C8orf34: variants seen among roughly 807,000 people sequenced by gnomAD.
C8orf34 encodes chromosome 8 open reading frame 34.
C8orf34 carries 65 observed loss-of-function variants against 68.3 expected under a neutral mutation model. The ratio of observed to expected loss-of-function variants is 0.95; its 90% CI spans 0.78 to 1.17. The LOEUF (loss-of-function observed/expected upper bound fraction) is 1.17, where lower values mean the gene tolerates loss of function less well. C8orf34 is among the 50% of genes most tolerant of loss of function. The pLI is 0.00. For missense variants in C8orf34, 664 were observed against 655.4 expected (o/e 1.01, Z -0.14); for synonymous variants, 244 against 241.2 (o/e 1.01, Z -0.11).
rs550218106 is a variant in C8orf34 at position 68,481,247 on chromosome 8, G to A, written c.737-6776G>A. On this transcript the variant is annotated intron_variant, in intron 4 of 13. Coordinates refer to ENST00000518698, the MANE Select transcript of C8orf34 (RefSeq NM_052958.4). ...GTGTTGAGCCTGCACGTGCACAGAA[G>A]TCAAGAACTGAGGTTTGGGAACCTC... Among the ~76,000 whole-genome samples, 432 of 152,362 alleles carry A rather than the reference G, an allele frequency of 2.8e-3. 1 individual carries two copies. Among genetic ancestry groups the A allele is most frequent in the African/African-American group, 0.01 (418 of 41,588 alleles).
At chr8:68,659,694 A>G (rs1052253166) in intron 8 of C8orf34, among the ~76,000 whole-genome samples, 1 of 152,098 alleles carries the variant, frequency 6.6e-6, no homozygotes, top group Non-Finnish European at 1.5e-5. Context: ...TTTTAAGCAA[A>G]AAGCTTAAAA....
chr8:68,374,177 A>G (rs1807690967), intron 1 of C8orf34, among the ~76,000 whole-genome samples: 1 of 152,048 alleles, frequency 6.6e-6, no homozygotes, highest in Non-Finnish European at 1.5e-5. Flanking sequence ...GACCTCCCAA[A>G]GTGCTAGGAT....
chr8:68,342,006 T>A (rs903466980), intron 1 of C8orf34, among the ~76,000 whole-genome samples: 53 of 152,302 alleles, frequency 3.5e-4, no homozygotes, highest in Middle Eastern at 6.8e-3. Flanking sequence ...CTCTATTTTA[T>A]AGCACAGTGG....
At chr8:68,390,437 A>T (rs2129620626) in intron 1 of C8orf34, among the ~76,000 whole-genome samples, 1 of 152,308 alleles carries the variant, frequency 6.6e-6, no homozygotes, top group Middle Eastern at 3.4e-3. Context: ...TAGCAATAAG[A>T]TAATGTATGT....
rs747439869 is a variant in C8orf34 at position 68,776,460 on chromosome 8, A to T, written c.1455+11A>T. The T allele has an allele frequency of 1.2e-5, 19 of 1,608,376 alleles. No homozygotes were observed. In the South Asian group the frequency reaches 2.0e-4, roughly 17 times the overall value. On this transcript the variant is annotated intron_variant, in intron 11 of 13. Transcript: ENST00000518698. ...AACTACATGGAAGAAGTGAGTTTTAAGGTTGCTTTATAATGTAGTCTGAAA... is the reference window on the plus strand; with the variant it reads ...AACTACATGGAAGAAGTGAGTTTTATGGTTGCTTTATAATGTAGTCTGAAA...
At chr8:68,775,117 C>A (rs938523325) in intron 10 of C8orf34, among the ~76,000 whole-genome samples, 2 of 150,374 alleles carry the variant, frequency 1.3e-5, no homozygotes, top group Non-Finnish European at 3.0e-5. Flanking sequence ...CCAGTCCAAG[C>A]GATGCTTCTC....
intron 7 of C8orf34, among the ~76,000 whole-genome samples, chr8:68,591,980 G>T (rs960062341): frequency 3.9e-5 from 6 of 151,956 alleles, no homozygotes; most frequent in African/African-American, 1.2e-4. Context: ...ATTATTAAAA[G>T]GAACCCCCCA....
At chr8:68,491,825 T>G (rs1813326193) in intron 5 of C8orf34, among the ~76,000 whole-genome samples, 1 of 152,200 alleles carries the variant, frequency 6.6e-6, no homozygotes, top group Admixed American at 6.5e-5. Flanking sequence ...CTGCCCACAC[T>G]GCCACTATCC....
At chr8:68,638,896 C>T (rs1474033333) in intron 7 of C8orf34, among the ~76,000 whole-genome samples, 1 of 152,130 alleles carries the variant, frequency 6.6e-6, no homozygotes, top group East Asian at 1.9e-4. Flanking sequence ...TTTTCAATGG[C>T]AGTTCTTAAA....
chr8:68,355,212 A>G (rs924668285), intron 1 of C8orf34, among the ~76,000 whole-genome samples: 3 of 152,134 alleles, frequency 2.0e-5, no homozygotes, highest in Non-Finnish European at 4.4e-5. Context: ...ACTGAAGCTC[A>G]AAGTGTAATG....
intron 8 of C8orf34, among the ~76,000 whole-genome samples, chr8:68,701,888 GCT>G (rs1457411886): frequency 6.6e-6 from 1 of 151,782 alleles, no homozygotes; most frequent in Non-Finnish European, 1.5e-5. Context: ...TCCCTGTAAT[GCT>G]CTTTCCCAGA....
intron 5 of C8orf34, among the ~76,000 whole-genome samples, chr8:68,491,514 T>C (rs752373356): frequency 1.3e-5 from 2 of 152,162 alleles, no homozygotes; most frequent in Non-Finnish European, 2.9e-5. Flanking sequence ...TGTATTCCTT[T>C]AGTGCATGGC....
At chr8:68,466,597 A>G (rs907611486) in intron 3 of C8orf34, among the ~76,000 whole-genome samples, 2 of 151,708 alleles carry the variant, frequency 1.3e-5, no homozygotes, top group African/African-American at 4.8e-5. Flanking sequence ...AAATAATTGT[A>G]TACAATGTGA....
At chr8:68,369,083 T>G (rs987388552) in intron 1 of C8orf34, among the ~76,000 whole-genome samples, 2 of 152,232 alleles carry the variant, frequency 1.3e-5, no homozygotes, top group Non-Finnish European at 2.9e-5. Context: ...TATTTTCAAT[T>G]CTATCTTCTT....
At chr8:68,614,798 T>G (rs1818145096) in intron 7 of C8orf34, among the ~76,000 whole-genome samples, 1 of 152,198 alleles carries the variant, frequency 6.6e-6, no homozygotes, top group Non-Finnish European at 1.5e-5. Flanking sequence ...ACATGAACTT[T>G]AAAGTAGTTT....
intron 4 of C8orf34, among the ~76,000 whole-genome samples, chr8:68,483,264 TA>T (rs1229992484): frequency 6.6e-6 from 1 of 152,210 alleles, no homozygotes; most frequent in African/African-American, 2.4e-5. Flanking sequence ...TTTCTGATAC[TA>T]ATGTGTTTTG....
chr8:68,367,805 C>T (rs1164564906), intron 1 of C8orf34, among the ~76,000 whole-genome samples: 9 of 132,238 alleles, frequency 6.8e-5, no homozygotes, highest in Admixed American at 1.6e-4. Flanking sequence ...TGCTAGATGA[C>T]GAGTTAGTGG....
At chr8:68,575,387 T>C (rs1816872187) in intron 7 of C8orf34, among the ~76,000 whole-genome samples, 1 of 152,084 alleles carries the variant, frequency 6.6e-6, no homozygotes, top group Non-Finnish European at 1.5e-5. Flanking sequence ...AACATTTAGC[T>C]CTATAAACCG....
At chr8:68,476,981 C>A (rs1026904870) in intron 4 of C8orf34, among the ~76,000 whole-genome samples, 1 of 152,082 alleles carries the variant, frequency 6.6e-6, no homozygotes, top group Non-Finnish European at 1.5e-5. Context: ...TTCCTGATAG[C>A]CCTTATTCCT....
Sources: gnomAD v4.1 joint callset for allele counts (sites outside exome capture counted in the v4.1 genomes callset) on GRCh38, gnomAD v4.1.1 for gene constraint, MANE v1.5 for transcripts, NCBI Gene and HGNC (gene_info 2026-07-23, HGNC 2026-07-21) for gene names.